SUPT3H: variants seen among roughly 807,000 people sequenced by gnomAD.
The protein encoded by SUPT3H is transcription initiation protein SPT3 homolog.
Under a neutral mutation model 44.3 loss-of-function variants are expected in SUPT3H, and 44 were observed. That is an observed-to-expected ratio of 0.99 (90% CI 0.78 to 1.28). SUPT3H has a LOEUF of 1.28. Ranked by LOEUF, SUPT3H falls within the 50% of genes most tolerant of loss-of-function variation. The pLI, the probability that SUPT3H is intolerant of heterozygous loss-of-function variation, is 0.00. For missense variants in SUPT3H, 380 were observed against 387.1 expected (o/e 0.98, Z 0.15); for synonymous variants, 124 against 125.6 (o/e 0.99, Z 0.09).
At chr6:45,307,406 CCT>C (rs924905157) in intron 2 of SUPT3H, among the ~76,000 whole-genome samples, 26 of 152,296 alleles carry the variant, frequency 1.7e-4, no homozygotes, top group African/African-American at 6.0e-4. Context: ...GCTGGGTACC[CCT>C]CTGAGACGAA....
intron 2 of SUPT3H, among the ~76,000 whole-genome samples, chr6:45,141,315 G>GGAGACA (rs1448073255): frequency 1.7e-5 from 2 of 116,678 alleles, no homozygotes; most frequent in African/African-American, 7.1e-5. Context: ...CTCCAGCCTG[G>GGAGACA]GAGACAGAGC....
At chr6:44,819,783 A>G (rs1767161780) in intron 11 of SUPT3H, among the ~76,000 whole-genome samples, 1 of 152,114 alleles carries the variant, frequency 6.6e-6, no homozygotes, top group Non-Finnish European at 1.5e-5. Flanking sequence ...ATCAAAAAAA[A>G]GAAAAAAGGA....
At chr6:45,144,135 C>T (rs1194238342) in intron 2 of SUPT3H, among the ~76,000 whole-genome samples, 1 of 152,008 alleles carries the variant, frequency 6.6e-6, no homozygotes, top group Non-Finnish European at 1.5e-5. Flanking sequence ...GAACTGACGC[C>T]ACTTAGTGAA....
intron 2 of SUPT3H, among the ~76,000 whole-genome samples, chr6:45,223,050 A>G (rs1158718622): frequency 6.6e-6 from 1 of 152,032 alleles, no homozygotes; most frequent in African/African-American, 2.4e-5. Flanking sequence ...GGTAGAGAAT[A>G]TGAGAGAAGA....
At chr6:44,983,933 T>G (rs969219173) in intron 6 of SUPT3H, among the ~76,000 whole-genome samples, 4 of 152,292 alleles carry the variant, frequency 2.6e-5, no homozygotes, top group Admixed American at 2.0e-4. Context: ...TCTGTAGCTT[T>G]TTAAAGAAAA....
At chr6:44,884,537 CAT>C (rs1352771398) in intron 10 of SUPT3H, among the ~76,000 whole-genome samples, 1 of 152,118 alleles carries the variant, frequency 6.6e-6, no homozygotes, top group Non-Finnish European at 1.5e-5. Flanking sequence ...CACATGCACA[CAT>C]ATGTTTACTG....
intron 2 of SUPT3H, among the ~76,000 whole-genome samples, chr6:45,363,195 C>G (rs1794565889): frequency 6.6e-6 from 1 of 151,990 alleles, no homozygotes; most frequent in African/African-American, 2.4e-5. Context: ...CAATAGACAA[C>G]AGATAGATGA....
In SUPT3H at chr6:45,100,676, GTTA is replaced by G. The variant is rs1045886195; in HGVS notation, c.186+5243_186+5245del. Among the ~76,000 whole-genome samples the G allele has an allele frequency of 1.7e-4, 25 of 150,754 alleles. 1 individual carries two copies. Among genetic ancestry groups the G allele is most frequent in the Admixed American group, 1.5e-3 (23 of 15,148 alleles). The stretch of plus-strand genomic sequence containing the variant: ...TCACCTCACCCTAATTATTAGAATG[GTTA>G]TTATCAAAAACAAGGTTATAATTAA... On this transcript the variant is annotated intron_variant, in intron 3 of 10. Transcript: ENST00000371459.
At chr6:44,960,190 T>C (rs1775806480) in intron 7 of SUPT3H, among the ~76,000 whole-genome samples, 1 of 151,470 alleles carries the variant, frequency 6.6e-6, no homozygotes, top group Non-Finnish European at 1.5e-5. Context: ...GTGGCTCACC[T>C]GAGGTCAGGA....
At chr6:45,169,908 C>A (rs1810500156) in intron 2 of SUPT3H, among the ~76,000 whole-genome samples, 1 of 152,090 alleles carries the variant, frequency 6.6e-6, no homozygotes, top group Admixed American at 6.5e-5. Flanking sequence ...AAGGTTCAAA[C>A]CAGTATATAA....
intron 2 of SUPT3H, among the ~76,000 whole-genome samples, chr6:45,262,765 A>G (rs897434602): frequency 2.0e-5 from 3 of 152,170 alleles, no homozygotes; most frequent in Non-Finnish European, 2.9e-5. Context: ...ACAAAGGTCT[A>G]ATATACAGAA....
intron 7 of SUPT3H, among the ~76,000 whole-genome samples, chr6:44,959,713 C>A (rs560568163): frequency 6.6e-6 from 1 of 151,918 alleles, no homozygotes; most frequent in Admixed American, 6.6e-5. Flanking sequence ...ATTAGTGTGC[C>A]GATGCTACAG....
At chr6:45,134,472 C>A (rs907765553) in intron 2 of SUPT3H, among the ~76,000 whole-genome samples, 1 of 152,140 alleles carries the variant, frequency 6.6e-6, no homozygotes, top group Non-Finnish European at 1.5e-5. Context: ...TCCCAATAGC[C>A]CCAAAGTCTT....
At chr6:45,046,064 C>T (rs946120414) in intron 3 of SUPT3H, among the ~76,000 whole-genome samples, 1 of 152,150 alleles carries the variant, frequency 6.6e-6, no homozygotes, top group South Asian at 2.1e-4. Context: ...TTCTCCTACA[C>T]ATTTTTCTAG....
At chr6:44,902,557 A>G (rs182709231) in intron 10 of SUPT3H, among the ~76,000 whole-genome samples, 22 of 152,262 alleles carry the variant, frequency 1.4e-4, no homozygotes, top group African/African-American at 5.3e-4. Flanking sequence ...CTACAAAGAG[A>G]CTTAGACTCC....
chr6:45,036,330 G>T (rs1286143375), intron 3 of SUPT3H, among the ~76,000 whole-genome samples: 1 of 152,084 alleles, frequency 6.6e-6, no homozygotes. Flanking sequence ...GCAAGACTTT[G>T]CTTGAACATG....
chr6:44,810,063 C>A (rs1196790939), intron 11 of SUPT3H, among the ~76,000 whole-genome samples: 1 of 152,162 alleles, frequency 6.6e-6, no homozygotes, highest in Non-Finnish European at 1.5e-5. Flanking sequence ...GGGTCCAAAC[C>A]GAGTATACTT....
intron 3 of SUPT3H, among the ~76,000 whole-genome samples, chr6:45,062,280 A>G (rs1477827128): frequency 6.6e-6 from 1 of 151,674 alleles, no homozygotes. Flanking sequence ...AAGTTGAAAT[A>G]ATAAAAATTA....
chr6:45,088,831 T>C (rs778272064), intron 3 of SUPT3H, among the ~76,000 whole-genome samples: 8 of 152,088 alleles, frequency 5.3e-5, no homozygotes, highest in Non-Finnish European at 1.2e-4. Flanking sequence ...GATTGTTATA[T>C]GATTTTAAAT....
Sources: gnomAD v4.1 joint callset for allele counts (sites outside exome capture counted in the v4.1 genomes callset) on GRCh38, gnomAD v4.1.1 for gene constraint, MANE v1.5 for transcripts, NCBI Gene and HGNC (gene_info 2026-07-23, HGNC 2026-07-21) for gene names.